PLEKHA7: variants seen among roughly 807,000 people sequenced by gnomAD.
PLEKHA7 encodes the protein pleckstrin homology domain containing A7.
A neutral mutation model predicts 170.0 loss-of-function variants in PLEKHA7; 104 were observed. The observed-to-expected ratio is 0.61, with a 90% confidence interval of 0.52 to 0.72. The LOEUF (loss-of-function observed/expected upper bound fraction) is 0.72. Ranked by LOEUF, PLEKHA7 falls within the 30% of genes least tolerant of loss-of-function variation. PLEKHA7 has a pLI of 0.00. For synonymous variants in PLEKHA7, 648 were observed against 660.8 expected (o/e 0.98, Z 0.30); for missense variants, 1,615 against 1,671.7 (o/e 0.97, Z 0.59).
intron 3 of PLEKHA7, among the ~76,000 whole-genome samples, chr11:16,892,404 TTTTGTG>T (rs1856681977): frequency 1.0e-5 from 1 of 97,084 alleles, no homozygotes. Flanking sequence ...GGTTGTTTTA[TTTTGTG>T]TGTGTGTGTG....
intron 3 of PLEKHA7, among the ~76,000 whole-genome samples, chr11:16,912,248 C>T (rs560310595): frequency 2.6e-5 from 4 of 152,314 alleles, no homozygotes; most frequent in East Asian, 1.9e-4. Flanking sequence ...AGGTCCCAGA[C>T]ATATTTTTTA....
At chr11:16,869,011 T>C (rs1854618052) in intron 4 of PLEKHA7, among the ~76,000 whole-genome samples, 1 of 152,198 alleles carries the variant, frequency 6.6e-6, no homozygotes. Context: ...CCAGACTTAA[T>C]AACAACAGGC....
chr11:16,906,830 G>C (rs1026540467), intron 3 of PLEKHA7, among the ~76,000 whole-genome samples: 2 of 136,338 alleles, frequency 1.5e-5, no homozygotes, highest in East Asian at 4.1e-4. Flanking sequence ...TGCCCAGTCT[G>C]GAAAGTGAGG....
chr11:17,010,340 G>A (rs1044197037), intron 3 of PLEKHA7, among the ~76,000 whole-genome samples: 2 of 151,940 alleles, frequency 1.3e-5, no homozygotes, highest in Admixed American at 1.3e-4. Flanking sequence ...GCAGTGAGCT[G>A]AGATCGTGCC....
At chr11:16,986,482 T>C (rs542963993) in intron 3 of PLEKHA7, among the ~76,000 whole-genome samples, 1 of 152,152 alleles carries the variant, frequency 6.6e-6, no homozygotes, top group East Asian at 1.9e-4. Context: ...GCTGGGGAGA[T>C]GCCAGCAGAA....
chr11:16,930,294 T>C (rs1375348232), intron 3 of PLEKHA7, among the ~76,000 whole-genome samples: 9 of 151,626 alleles, frequency 5.9e-5, no homozygotes, highest in African/African-American at 2.2e-4. Context: ...CAAAACAGTA[T>C]AGGTAGATGG....
At chr11:16,890,907 T>C (rs1308600350) in intron 3 of PLEKHA7, among the ~76,000 whole-genome samples, 1 of 152,146 alleles carries the variant, frequency 6.6e-6, no homozygotes, top group African/African-American at 2.4e-5. Context: ...TTTTCTTTTT[T>C]CAAATGTCTT....
At chr11:16,965,872 C>A (rs1312669210) in intron 3 of PLEKHA7, among the ~76,000 whole-genome samples, 1 of 152,154 alleles carries the variant, frequency 6.6e-6, no homozygotes, top group African/African-American at 2.4e-5. Context: ...CCAGCACATT[C>A]CAGCTCTTTT....
chr11:16,994,912 C>G lies in PLEKHA7; in HGVS notation c.221+19077G>C, dbSNP rs150500872. On this transcript the variant is annotated intron_variant, in intron 3 of 26. Coordinates refer to ENST00000531066, the MANE Select transcript of PLEKHA7 (RefSeq NM_001329630.2). ...CCACCAGAGCACAGGCTCCTGGGCT[C>G]CTTGAGGACACCAGTGTTGCTTTGA... Among the ~76,000 whole-genome samples, 934 of 152,232 alleles carry G rather than the reference C, an allele frequency of 6.1e-3. 13 individuals are homozygous for G. The highest frequency in any genetic ancestry group is 0.022 in the African/African-American group (902 of 41,520).
rs972418259 is a variant in PLEKHA7 at position 16,818,704 on chromosome 11, C to T, written c.1344-1382G>A. 6.6e-5 allele frequency among the ~76,000 whole-genome samples: 10 copies of T among 152,160 alleles called. No homozygotes were observed. In the South Asian group the frequency reaches 1.9e-3, roughly 28 times the overall value. On this transcript the variant is annotated intron_variant, in intron 10 of 26. Coordinates refer to ENST00000531066, the MANE Select transcript of PLEKHA7 (RefSeq NM_001329630.2). Reference sequence around the variant, plus strand: ...GTCCACAGTCTAAGAAAGTCCTGTGCGTAATTAGCCCTTCAATAAACACTC... The same window carrying T: ...GTCCACAGTCTAAGAAAGTCCTGTGTGTAATTAGCCCTTCAATAAACACTC...
At chr11:16,954,015 C>A (rs1400945904) in intron 3 of PLEKHA7, among the ~76,000 whole-genome samples, 3 of 152,050 alleles carry the variant, frequency 2.0e-5, no homozygotes, top group Non-Finnish European at 2.9e-5. Flanking sequence ...CAGGAAGCTA[C>A]AATTAGTTGG....
At chr11:16,944,227 G>A (rs549872115) in intron 3 of PLEKHA7, among the ~76,000 whole-genome samples, 1 of 152,234 alleles carries the variant, frequency 6.6e-6, no homozygotes, top group East Asian at 1.9e-4. Context: ...GGTGGCGGGC[G>A]CCTGTAATCC....
Position 16,963,604 on chromosome 11 carries a change from G to A in PLEKHA7, c.221+50385C>T, listed in dbSNP as rs1391923083. 5.3e-5 allele frequency among the ~76,000 whole-genome samples: 8 copies of A among 152,120 alleles called. No individual in the cohort carries two copies. In the East Asian group the frequency reaches 5.8e-4, roughly 11 times the overall value. On this transcript the variant is annotated intron_variant, in intron 3 of 26. Transcript: ENST00000531066. ...GAGAGGGGCAAGAGGGGGAACAAAC[G>A]GCCCTACTTTGTGGCCTAAATCTTG...
At chr11:16,870,961 T>C in intron 4 of PLEKHA7, 138 bp downstream of exon 4, 1 of 566,710 alleles carries the variant, frequency 1.8e-6, no homozygotes, top group Non-Finnish European at 3.2e-6. Context: ...TCTTCTCATA[T>C]TCCTGTTTGA....
chr11:16,813,501 G>A (rs1369433604), intron 12 of PLEKHA7, among the ~76,000 whole-genome samples: 1 of 151,236 alleles, frequency 6.6e-6, no homozygotes, highest in African/African-American at 2.4e-5. Context: ...ACCTGGAGGA[G>A]CATATGCCAC....
chr11:16,787,178 C>G (rs1363741646), intron 23 of PLEKHA7: 1 of 985,360 alleles, frequency 1.0e-6, no homozygotes, highest in East Asian at 1.1e-4. Flanking sequence ...TGCATCCTCA[C>G]AGGCCTTTGA....
At chr11:16,957,153 C>T (rs962102180) in intron 3 of PLEKHA7, among the ~76,000 whole-genome samples, 2 of 152,200 alleles carry the variant, frequency 1.3e-5, no homozygotes, top group Non-Finnish European at 2.9e-5. Flanking sequence ...TTCACAACCA[C>T]TTTCAAACTA....
Position 16,851,258 on chromosome 11 carries a change from G to C in PLEKHA7, c.629C>G (p.Pro210Arg). ...SREEAVLGSI[P>R]LPSYVISPVA... ...AGGAGAGATCACGTAGCTGGGCAAG[G>C]GGATGCTCCCGAGGACCGCTTCTTC... is the stretch of plus-strand genomic sequence containing the variant. The change falls in exon 8 of 27, where the codon CCC (proline) becomes CGC (arginine). Residue 210 changes from proline (P) to arginine (R), a missense_variant. Transcript: ENST00000531066. 6.2e-7 allele frequency: 1 copy of C among 1,611,864 alleles called. No individual in the cohort carries two copies. The highest frequency in any genetic ancestry group is 2.2e-5 in the East Asian group (1 of 44,806).
At chr11:16,821,151 T>C (rs933906930) in intron 10 of PLEKHA7, among the ~76,000 whole-genome samples, 11 of 152,206 alleles carry the variant, frequency 7.2e-5, no homozygotes, top group African/African-American at 2.2e-4. Context: ...GAAATGGTCA[T>C]GTGGAGATGC....
Sources: gnomAD v4.1 joint callset for allele counts (sites outside exome capture counted in the v4.1 genomes callset) on GRCh38, gnomAD v4.1.1 for gene constraint, MANE v1.5 for transcripts, NCBI Gene and HGNC (gene_info 2026-07-23, HGNC 2026-07-21) for gene names.